The following LRRC8C variants were observed in gnomAD, a reference collection of about 807,000 sequenced individuals.
LRRC8C encodes the protein volume-regulated anion channel subunit LRRC8C.
LRRC8C carries 20 observed loss-of-function variants against 55.3 expected under a neutral mutation model. The ratio of observed to expected loss-of-function variants is 0.36; its 90% confidence interval spans 0.25 to 0.53. The LOEUF is 0.53. Ranked by LOEUF, LRRC8C falls within the 20% of genes least tolerant of loss-of-function variation. LRRC8C has a pLI of 0.92. For synonymous variants in LRRC8C, 376 were observed against 360.7 expected (o/e 1.04, Z -0.48); for missense variants, 659 against 951.4 (o/e 0.69, Z 4.04).
At chr1:89,710,531 T>C (rs1426230820) in intron 2 of LRRC8C, among the ~76,000 whole-genome samples, 11 of 152,254 alleles carry the variant, frequency 7.2e-5, no homozygotes, top group Admixed American at 7.2e-4. Context: ...CATTTTCCTC[T>C]AAGTAATAGA....
At chr1:89,619,631 A>T in the LRRC8C span, among the ~76,000 whole-genome samples, 1 of 151,834 alleles carries the variant, frequency 6.6e-6, no homozygotes, top group East Asian at 1.9e-4. Context: ...AAAAATTTGA[A>T]GAAAGATTCC....
At chr1:89,660,280 G>A (rs1052896422) in intron 1 of LRRC8C, among the ~76,000 whole-genome samples, 1 of 152,152 alleles carries the variant, frequency 6.6e-6, no homozygotes, top group Non-Finnish European at 1.5e-5. Flanking sequence ...CTCACTTAGT[G>A]CGTAGCTGTA....
At chr1:89,644,710 TA>T (rs1656566488) in intron 1 of LRRC8C, among the ~76,000 whole-genome samples, 1 of 152,170 alleles carries the variant, frequency 6.6e-6, no homozygotes, top group Non-Finnish European at 1.5e-5. Context: ...AAAAGTCACA[TA>T]AAAGAGATTG....
intron 2 of LRRC8C, among the ~76,000 whole-genome samples, chr1:89,694,287 C>G (rs1165382997): frequency 6.6e-6 from 1 of 151,680 alleles, no homozygotes; most frequent in Non-Finnish European, 1.5e-5. Context: ...GGACTGTATA[C>G]AGGGTGGTTA....
At chr1:89,669,476 A>G (rs1275921863) in intron 1 of LRRC8C, among the ~76,000 whole-genome samples, 1 of 152,186 alleles carries the variant, frequency 6.6e-6, no homozygotes. Context: ...TAAAGTCATT[A>G]TCATAGCTAT....
rs138758211 is a variant in LRRC8C, at chr1:89,714,560, C to T, written c.1990C>T (p.Arg664Cys). The change falls in exon 3 of 3, where the codon CGC (arginine) becomes TGC (cysteine). Residue 664 changes from arginine (R) to cysteine (C), a missense_variant. Physicochemically the swap from Arg to Cys is radical, Grantham distance 180 (BLOSUM62 -3). Around this residue, in one of 5 missense-constraint regions of LRRC8C, gnomAD observed 344 missense variants for 464.6 expected, o/e 0.74. Transcript: ENST00000370454. This position sits in a 1 kb window ranked among gnomAD's most constrained non-coding sequence, Gnocchi z 4.6. ...EHIKKLTSLERLSFSHNKIEV... is the reference protein window; with the variant it reads ...EHIKKLTSLECLSFSHNKIEV... ...TATAAAGAAACTCACCAGCCTGGAACGCCTGTCCTTTAGTCACAATAAAAT... is the reference window on the plus strand; with the variant it reads ...TATAAAGAAACTCACCAGCCTGGAATGCCTGTCCTTTAGTCACAATAAAAT... 237 of 1,614,046 alleles carry T rather than the reference C, an allele frequency of 1.5e-4. No homozygotes were observed. The highest frequency in any genetic ancestry group is 1.5e-4 in the Non-Finnish European group (175 of 1,180,014).
At chr1:89,664,067 T>C (rs1434075349) in intron 1 of LRRC8C, among the ~76,000 whole-genome samples, 1 of 152,256 alleles carries the variant, frequency 6.6e-6, no homozygotes, top group Non-Finnish European at 1.5e-5. Context: ...TCCCATTCTG[T>C]AGGTTGCCTG....
chr1:89,670,004 A>G lies in LRRC8C; in HGVS notation c.-4-16466A>G, dbSNP rs572721352. Among the ~76,000 whole-genome samples, 262 of 152,328 alleles carry G rather than the reference A, an allele frequency of 1.7e-3. 2 individuals carry two copies. The highest frequency in any genetic ancestry group is 3.1e-3 in the Non-Finnish European group (214 of 68,022). ...CATTTGCAGAAAAGTGAGTGGGTGG[A>G]AATAATCCATAATGTTTAACTTTTT... On this transcript the variant is annotated intron_variant, in intron 1 of 2. Coordinates refer to ENST00000370454, the MANE Select transcript of LRRC8C (RefSeq NM_032270.5).
Position 89,714,653 on chromosome 1 carries a change from A to G in LRRC8C, c.2083A>G (p.Ile695Val), listed in dbSNP as rs775758015. The G allele has an allele frequency of 1.1e-5, 18 of 1,614,162 alleles. No homozygotes were observed. The highest frequency in any genetic ancestry group is 1.6e-4 in the Middle Eastern group (1 of 6,062). Residue 695 changes from isoleucine to valine, a missense_variant, in exon 3 of 3, where the codon ATT (isoleucine) becomes GTT (valine). Transcript: ENST00000370454. The surrounding 1 kb of genome is among the most constrained non-coding windows in gnomAD (Gnocchi z 4.6). ...ATACTTGGACTTATCGTACAATGAC[A>G]TTCGATTTATCCCCCCTGAAATTGG... is the stretch of plus-strand genomic sequence containing the variant. ...IRYLDLSYND[I>V]RFIPPEIGVL...
intron 2 of LRRC8C, among the ~76,000 whole-genome samples, chr1:89,704,726 C>T (rs1658426344): frequency 6.6e-6 from 1 of 152,048 alleles, no homozygotes; most frequent in Non-Finnish European, 1.5e-5. Context: ...CAATGAGATA[C>T]CATCTCACAC....
rs1029620730 is a variant in LRRC8C at position 89,718,842 on chromosome 1, A to C, written c.*3860A>C. The C allele has an allele frequency of 1.3e-5, 2 of 152,204 alleles. No individual in the cohort carries two copies. The highest frequency in any genetic ancestry group is 4.8e-5 in the African/African-American group (2 of 41,456). The allele number at this position is 152,204 out of a possible 1,614,324, so 9.4% of individuals were successfully genotyped here. A position where few individuals can be genotyped will look rare whatever the true frequency, so the allele number is the denominator to read the frequency against. The stretch of plus-strand genomic sequence containing the variant: ...ATTCCATACTAACCTCAAGTTAGCA[A>C]AACAAATTAGTTAAACAGCTTGGTT... On this transcript the variant is annotated 3_prime_UTR_variant, in exon 3 of 3. Transcript: ENST00000370454.
At chr1:89,699,299 G>A (rs1934042) in intron 2 of LRRC8C, among the ~76,000 whole-genome samples, 150,427 of 152,304 alleles carry the variant, frequency 0.99, 74,298 homozygotes, top group Middle Eastern at 1. Context: ...GGATATTACA[G>A]TGGATACATG....
chr1:89,679,728 G>GC (rs1174647510), intron 1 of LRRC8C, among the ~76,000 whole-genome samples: 2 of 152,144 alleles, frequency 1.3e-5, no homozygotes, highest in Non-Finnish European at 2.9e-5. Context: ...TTACTGACAG[G>GC]CTACCTACCA....
At position 89,713,393 on chromosome 1, in the gene LRRC8C, A is replaced by G; in HGVS notation, c.823A>G (p.Ile275Val). 1 of 1,614,204 alleles carries G rather than the reference A, an allele frequency of 6.2e-7. No individual in the cohort carries two copies. Among genetic ancestry groups the G allele is most frequent in the Non-Finnish European group, 8.5e-7 (1 of 1,180,034 alleles). Reference sequence around the variant, plus strand: ...TGTACTTAAAGTTATCAAATTCCTAATCATCATTGCATATAATAGTGCTCT... The same window carrying G: ...TGTACTTAAAGTTATCAAATTCCTAGTCATCATTGCATATAATAGTGCTCT... ...QTVLKVIKFL[I>V]IIAYNSALVS... The change falls in exon 3 of 3, where the codon ATC becomes GTC. Residue 275 changes from isoleucine (I) to valine (V), a missense_variant. Physicochemically the swap from Ile to Val is conservative, Grantham distance 29. Around this residue, in one of 5 missense-constraint regions of LRRC8C, gnomAD observed 200 missense variants for 360.5 expected, o/e 0.55. Coordinates refer to ENST00000370454, the MANE Select transcript of LRRC8C (RefSeq NM_032270.5). This position sits in a 1 kb window ranked among gnomAD's most constrained non-coding sequence, Gnocchi z 5.2.
chr1:89,621,616 T>C, the LRRC8C span, among the ~76,000 whole-genome samples: 2 of 152,216 alleles, frequency 1.3e-5, no homozygotes, highest in African/African-American at 4.8e-5. Context: ...CATCACAATG[T>C]GCCCACCTGG....
intron 1 of LRRC8C, among the ~76,000 whole-genome samples, chr1:89,662,315 C>G (rs1036619020): frequency 6.6e-6 from 1 of 152,122 alleles, no homozygotes; most frequent in Non-Finnish European, 1.5e-5. Flanking sequence ...AGCGAGTGTG[C>G]AGGAGAGGGC....
At chr1:89,619,489 T>C in the LRRC8C span, among the ~76,000 whole-genome samples, 2 of 149,786 alleles carry the variant, frequency 1.3e-5, no homozygotes, top group Non-Finnish European at 3.0e-5. Context: ...AATAAATACA[T>C]AATTATATGT....
At chr1:89,695,671 T>G (rs1184613933) in intron 2 of LRRC8C, among the ~76,000 whole-genome samples, 3 of 152,210 alleles carry the variant, frequency 2.0e-5, no homozygotes, top group Non-Finnish European at 2.9e-5. Context: ...TCATTTTACC[T>G]TGTAAGAAAC....
At chr1:89,641,758 A>G (rs1423268520) in intron 1 of LRRC8C, among the ~76,000 whole-genome samples, 1 of 152,198 alleles carries the variant, frequency 6.6e-6, no homozygotes. Flanking sequence ...AATACTTTGA[A>G]CTGGTTTTCT....
Sources: allele counts gnomAD v4.1 joint callset (sites outside exome capture counted in the v4.1 genomes callset), GRCh38; gene constraint gnomAD v4.1.1; regional missense constraint gnomAD v4.1.1; non-coding constraint Gnocchi (gnomAD v3.1); transcripts MANE v1.5; gene names NCBI Gene and HGNC (gene_info 2026-07-23, HGNC 2026-07-21).